AXL: variants seen among roughly 807,000 people sequenced by gnomAD.
The protein encoded by AXL is AXL receptor tyrosine kinase, also known as tyrosine-protein kinase receptor UFO.
A neutral mutation model predicts 104.5 loss-of-function variants in AXL; 52 were observed. That is an observed-to-expected ratio of 0.50 (90% CI 0.40 to 0.63). AXL has a LOEUF of 0.63. AXL is among the 20% of genes least tolerant of loss of function. AXL has a pLI of 0.00. For synonymous variants in AXL, 455 were observed against 473.7 expected (o/e 0.96, Z 0.51); for missense variants, 1,024 against 1,188.5 (o/e 0.86, Z 2.04).
At chr19:41,235,019 T>A (rs572692574) in intron 6 of AXL, among the ~76,000 whole-genome samples, 111 of 152,190 alleles carry the variant, frequency 7.3e-4, no homozygotes, top group Non-Finnish European at 5.4e-4. Flanking sequence ...TGTGCCGCTA[T>A]GCAGAGCTTG....
chr19:41,233,629 G>C (rs74816457), intron 6 of AXL, among the ~76,000 whole-genome samples: 49,426 of 144,996 alleles, frequency 0.34, 8,796 homozygotes, highest in Non-Finnish European at 0.39. Flanking sequence ...GACTCTGTCT[G>C]AGAAAAAAAA....
intron 19 of AXL, among the ~76,000 whole-genome samples, chr19:41,258,854 G>C (rs1195497342): frequency 6.6e-6 from 1 of 152,234 alleles, no homozygotes; most frequent in Non-Finnish European, 1.5e-5. Context: ...CAGCTTAGCA[G>C]GGTGATTTTG....
intron 4 of AXL, among the ~76,000 whole-genome samples, chr19:41,227,614 T>A (rs1349181799): frequency 3.3e-5 from 5 of 151,722 alleles, no homozygotes; most frequent in Admixed American, 3.3e-4. Flanking sequence ...GCCTCCCGAG[T>A]AGCTGGGATT....
rs1286658018 is a variant in AXL, at chr19:41,233,701, GGGGC to G, written c.783+2404_783+2407del. Among the ~76,000 whole-genome samples, 5 of 147,144 alleles carry G rather than the reference GGGGC, an allele frequency of 3.4e-5. No homozygotes were observed. The East Asian group carries it at 8.1e-4, about 24-fold the overall frequency. The stretch of plus-strand genomic sequence containing the variant: ...AAGGTGAGGAACTGAGGCCCAGAGA[GGGGC>G]CCCCTCTCTGGGCCTCAGTTCCTCC... On this transcript the variant is annotated intron_variant, in intron 6 of 19. Coordinates refer to ENST00000301178, the MANE Select transcript of AXL (RefSeq NM_021913.5).
rs759885831 is a variant in AXL, at chr19:41,248,791, T to A, written c.1682T>A (p.Ile561Asn). The A allele has an allele frequency of 6.2e-7, 1 of 1,613,574 alleles. No homozygotes were observed. Among genetic ancestry groups the A allele is most frequent in the Middle Eastern group, 1.7e-4 (1 of 6,056 alleles). The change falls in exon 14 of 20, where the codon ATC (isoleucine) becomes AAC (asparagine). Residue 561 changes from isoleucine to asparagine, a missense_variant. Ile to Asn is a moderately radical substitution (Grantham distance 149, BLOSUM62 -3). Transcript: ENST00000301178. ...GGCCAGCTCAACCAGGACGACTCCA[T>A]CCTCAAGGTGGCTGTGAAGACGATG... ...MEGQLNQDDS[I>N]LKVAVKTMKI...
chr19:41,220,971 T>A (rs1383862480), intron 2 of AXL, 113 bp downstream of exon 2: 1 of 1,319,980 alleles, frequency 7.6e-7, no homozygotes, highest in Non-Finnish European at 1.0e-6. Flanking sequence ...GCTTTGAGCA[T>A]GTGATGGAAC....
At chr19:41,222,131 TA>T in intron 4 of AXL, 75 bp downstream of exon 4, 3 of 1,386,246 alleles carry the variant, frequency 2.2e-6, no homozygotes, top group Non-Finnish European at 2.9e-6. Flanking sequence ...GGAACATTGC[TA>T]CCTCTGCGTG....
Position 41,219,692 on chromosome 19 carries a change from G to A in AXL, c.85+215G>A, listed in dbSNP as rs570580458. Among the ~76,000 whole-genome samples the A allele has an allele frequency of 1.7e-4, 25 of 151,424 alleles. No homozygotes were observed. In the South Asian group the frequency reaches 5.3e-3, roughly 32 times the overall value. On this transcript the variant is annotated intron_variant, in intron 1 of 19. Coordinates refer to ENST00000301178, the MANE Select transcript of AXL (RefSeq NM_021913.5). ...GACTGAGAGAGGAACTGAAGGGCAG[G>A]GGGGACAGAAGAGAGGACCCGGAGA... is the stretch of plus-strand genomic sequence containing the variant.
chr19:41,230,484 G>T (rs1301082575), intron 4 of AXL, among the ~76,000 whole-genome samples: 1 of 151,290 alleles, frequency 6.6e-6, no homozygotes, highest in South Asian at 2.1e-4. Context: ...GTGTGTTTTT[G>T]TGTGTGTATG....
intron 4 of AXL, 97 bp downstream of exon 4, chr19:41,222,153 T>C (rs1196332366): frequency 4.7e-6 from 6 of 1,264,422 alleles, no homozygotes; most frequent in Non-Finnish European, 6.3e-6. Flanking sequence ...AGTGTCTGAC[T>C]GTCCTTCTGT....
intron 6 of AXL, among the ~76,000 whole-genome samples, chr19:41,231,755 C>T (rs1284657376): frequency 6.6e-6 from 1 of 151,906 alleles, no homozygotes; most frequent in East Asian, 1.9e-4. Flanking sequence ...AGTGAAACCA[C>T]ATTTCTACTA....
At chr19:41,233,138 C>T (rs1358610809) in intron 6 of AXL, among the ~76,000 whole-genome samples, 1 of 151,900 alleles carries the variant, frequency 6.6e-6, no homozygotes, top group Non-Finnish European at 1.5e-5. Flanking sequence ...TACAGGCGCC[C>T]ACCACCACGC....
At position 41,248,724 on chromosome 19, in the gene AXL, TC is replaced by T; in HGVS notation, c.1634-16del. The T allele has an allele frequency of 6.2e-7, 1 of 1,613,878 alleles. No homozygotes were observed. Among genetic ancestry groups the T allele is most frequent in the African/African-American group, 1.3e-5 (1 of 75,020 alleles). ...CCACGGGCCCTCTGAGGTCAGTGTC[TC>T]CCTCTGGCCCCCCACAGGAGAGTTT... On this transcript the variant is annotated intron_variant, in intron 13 of 19. Transcript: ENST00000301178.
At chr19:41,257,924 G>A (rs2034480522) in intron 19 of AXL, among the ~76,000 whole-genome samples, 1 of 152,316 alleles carries the variant, frequency 6.6e-6, no homozygotes, top group Middle Eastern at 3.4e-3. Context: ...CTTACCTGGC[G>A]GCCCTGCCTT....
At chr19:41,251,040 T>A (rs2034354020) in intron 14 of AXL, among the ~76,000 whole-genome samples, 1 of 152,224 alleles carries the variant, frequency 6.6e-6, no homozygotes, top group African/African-American at 2.4e-5. Context: ...AGGTGGACCC[T>A]GGAGCCAGAC....
At position 41,252,834 on chromosome 19, in the gene AXL, T is replaced by TG. The variant is rs745990666; in HGVS notation, c.1805-6dup. On this transcript the variant is annotated splice_polypyrimidine_tract_variant and intron_variant, in intron 15 of 19. Transcript: ENST00000301178. ...GCCCAGCAGGAGTGACAGGGCTACC[T>TG]GGGGGGCTCAGGTGTCTGTTTCCAG... The TG allele has an allele frequency of 6.2e-7, 1 of 1,613,588 alleles. No homozygotes were observed. The highest frequency in any genetic ancestry group is 1.3e-5 in the African/African-American group (1 of 75,040).
In AXL at chr19:41,245,713, CAAAAAAA is replaced by C. The variant is rs371879527; in HGVS notation, c.1537+2020_1537+2026del. Among the ~76,000 whole-genome samples, 6 of 62,932 alleles carry C rather than the reference CAAAAAAA, an allele frequency of 9.5e-5. No homozygotes were observed. In the East Asian group the frequency reaches 3.1e-3, roughly 32 times the overall value. The allele number at this position is 62,932 out of a possible 152,430, so 41.3% of individuals were successfully genotyped here. On this transcript the variant is annotated intron_variant, in intron 12 of 19. Transcript: ENST00000301178. The stretch of plus-strand genomic sequence containing the variant: ...TGGGTGATAGAGCAAGACACCGTCT[CAAAAAAA>C]AAAAAAAAAAAAAGGAATCTCATCT...
Position 41,237,979 on chromosome 19 carries a change from G to A in AXL, c.819G>A (p.Ala273=), listed in dbSNP as rs61737383. 89 of 1,613,794 alleles carry A rather than the reference G, an allele frequency of 5.5e-5. No homozygotes were observed. The highest frequency in any genetic ancestry group is 1.0e-4 in the Admixed American group (6 of 59,948). ...VLSDDGMGIQ[A]GEPDPPEEPL... ...CAGACGATGGGATGGGCATCCAGGC[G>A]GGAGAACCAGACCCCCCAGAGGAGC... The change falls in exon 7 of 20, where the codon GCG becomes GCA. Residue 273 remains alanine, a synonymous_variant. Coordinates refer to ENST00000301178, the MANE Select transcript of AXL (RefSeq NM_021913.5).
rs768926078 is a variant in AXL, at chr19:41,256,408, G to A, written c.2037-44G>A. 4 of 1,590,990 alleles carry A rather than the reference G, an allele frequency of 2.5e-6. No individual in the cohort carries two copies. In the South Asian group the frequency reaches 3.3e-5, roughly 13 times the overall value. Reference sequence around the variant, plus strand: ...GAGCCAGGGCAGGCTTCCTGGTGGAGGTGACTGATGCCCTGACCCTGTTCC... The same window carrying A: ...GAGCCAGGGCAGGCTTCCTGGTGGAAGTGACTGATGCCCTGACCCTGTTCC... On this transcript the variant is annotated intron_variant, in intron 17 of 19. Coordinates refer to ENST00000301178, the MANE Select transcript of AXL (RefSeq NM_021913.5).
Sources: gnomAD v4.1 joint callset for allele counts (sites outside exome capture counted in the v4.1 genomes callset) on GRCh38, gnomAD v4.1.1 for gene constraint, MANE v1.5 for transcripts, NCBI Gene and HGNC (gene_info 2026-07-23, HGNC 2026-07-21) for gene names.